PLSCR4: variants seen among roughly 807,000 people sequenced by gnomAD.
PLSCR4 encodes the protein phospholipid scramblase 4, also known as Ca(2+)-dependent phospholipid scramblase 4.
PLSCR4 carries 25 observed loss-of-function variants against 36.3 expected under a neutral mutation model. The observed-to-expected ratio is 0.69, with a 90% CI of 0.50 to 0.96. The LOEUF is 0.96. Ranked by LOEUF, PLSCR4 falls within the 40% of genes least tolerant of loss-of-function variation. The pLI is 0.00. For missense variants in PLSCR4, 408 were observed against 414.7 expected, an observed-to-expected ratio of 0.98 and a Z score of 0.14; for synonymous variants, 122 against 132.9, an observed-to-expected ratio of 0.92 and a Z score of 0.56.
intron 1 of PLSCR4, among the ~76,000 whole-genome samples, chr3:146,236,263 C>T (rs2035910904): frequency 6.6e-6 from 1 of 151,910 alleles, no homozygotes; most frequent in Admixed American, 6.6e-5. Flanking sequence ...AGGAGGTCCC[C>T]AGAGTCATCA....
intron 1 of PLSCR4, among the ~76,000 whole-genome samples, chr3:146,240,397 G>A (rs1272853441): frequency 1.3e-5 from 2 of 152,136 alleles, no homozygotes; most frequent in Non-Finnish European, 2.9e-5. Flanking sequence ...ATTCCTTAAG[G>A]TTAGGAGTTA....
At chr3:146,227,433 T>C (rs1399267252) in intron 1 of PLSCR4, among the ~76,000 whole-genome samples, 2 of 152,146 alleles carry the variant, frequency 1.3e-5, no homozygotes, top group African/African-American at 4.8e-5. Context: ...GAGTGCTGTA[T>C]CTTATTATAT....
intron 1 of PLSCR4, among the ~76,000 whole-genome samples, chr3:146,225,258 C>T (rs1394778211): frequency 6.6e-6 from 1 of 152,186 alleles, no homozygotes; most frequent in Admixed American, 6.5e-5. Flanking sequence ...CATTGGTGCA[C>T]TCACAAACCT....
At chr3:146,222,255 C>T (rs574146578) in intron 1 of PLSCR4, 163 bp from the exon 2 acceptor site, 16 of 363,518 alleles carry the variant, frequency 4.4e-5, no homozygotes, top group South Asian at 1.3e-4. Flanking sequence ...CTATTATGTA[C>T]GAGGCACTAA....
intron 4 of PLSCR4, among the ~76,000 whole-genome samples, chr3:146,202,066 A>C (rs1299983199): frequency 6.6e-6 from 1 of 151,952 alleles, no homozygotes; most frequent in Non-Finnish European, 1.5e-5. Flanking sequence ...CGAATGTTTT[A>C]TGGTGTGATT....
chr3:146,228,438 A>G (rs1179843002), intron 1 of PLSCR4, among the ~76,000 whole-genome samples: 1 of 151,418 alleles, frequency 6.6e-6, no homozygotes, highest in Non-Finnish European at 1.5e-5. Flanking sequence ...TTTCATGAGC[A>G]TTGTTTGTAT....
At chr3:146,213,825 G>C (rs1317573122) in intron 3 of PLSCR4, among the ~76,000 whole-genome samples, 1 of 152,020 alleles carries the variant, frequency 6.6e-6, no homozygotes, top group Non-Finnish European at 1.5e-5. Context: ...ACACACAATT[G>C]TTCATGTTAT....
chr3:146,202,057 GAATGTTTTATGGTGTGAT>G (rs2034075731), intron 4 of PLSCR4, among the ~76,000 whole-genome samples: 1 of 151,788 alleles, frequency 6.6e-6, no homozygotes, highest in Non-Finnish European at 1.5e-5. Flanking sequence ...ACCTAAACAC[GAATGTTTTATGGTGTGAT>G]TAATTACAGG....
At chr3:146,217,659 G>A (rs529868511) in intron 3 of PLSCR4, among the ~76,000 whole-genome samples, 2 of 152,286 alleles carry the variant, frequency 1.3e-5, no homozygotes, top group Admixed American at 1.3e-4. Flanking sequence ...AAGTGGACTG[G>A]ATATGAGAAA....
chr3:146,201,483 C>G (rs761754285), intron 4 of PLSCR4, among the ~76,000 whole-genome samples: 12 of 152,042 alleles, frequency 7.9e-5, no homozygotes, highest in Admixed American at 6.6e-4. Flanking sequence ...TTAACACGGA[C>G]CAGCCATAGA....
At chr3:146,202,430 G>T (rs965204981) in intron 4 of PLSCR4, among the ~76,000 whole-genome samples, 1 of 151,970 alleles carries the variant, frequency 6.6e-6, no homozygotes, top group Non-Finnish European at 1.5e-5. Flanking sequence ...TAATCTAAAA[G>T]AAGTATATAT....
intron 1 of PLSCR4, among the ~76,000 whole-genome samples, chr3:146,246,545 G>T (rs957527997): frequency 1.3e-5 from 2 of 151,602 alleles, no homozygotes; most frequent in Non-Finnish European, 2.9e-5. Flanking sequence ...TGTTTAAAGA[G>T]AATATCAGGT....
At chr3:146,233,977 C>CT (rs2035817368) in intron 1 of PLSCR4, among the ~76,000 whole-genome samples, 1 of 151,482 alleles carries the variant, frequency 6.6e-6, no homozygotes, top group Non-Finnish European at 1.5e-5. Context: ...AAATATAGTT[C>CT]GAAGAGAAAT....
At chr3:146,216,971 T>G (rs1186425196) in intron 3 of PLSCR4, among the ~76,000 whole-genome samples, 2 of 152,150 alleles carry the variant, frequency 1.3e-5, no homozygotes, top group Non-Finnish European at 2.9e-5. Flanking sequence ...TCATGAATCA[T>G]GAAATTCTCC....
intron 3 of PLSCR4, among the ~76,000 whole-genome samples, chr3:146,207,003 G>C (rs544788284): frequency 6.6e-6 from 1 of 152,016 alleles, no homozygotes; most frequent in East Asian, 1.9e-4. Flanking sequence ...CATTTCAATG[G>C]TACAAAAATA....
At chr3:146,218,014 A>C (rs137857580) in intron 3 of PLSCR4, among the ~76,000 whole-genome samples, 1 of 152,268 alleles carries the variant, frequency 6.6e-6, no homozygotes, top group African/African-American at 2.4e-5. Context: ...AGTAGACCAA[A>C]TAATTTTGAG....
chr3:146,214,569 C>A (rs2034803442), intron 3 of PLSCR4, among the ~76,000 whole-genome samples: 1 of 151,280 alleles, frequency 6.6e-6, no homozygotes, highest in East Asian at 1.9e-4. Context: ...TTTTTTTTGC[C>A]CCTAGTGTCA....
At chr3:146,201,413 C>T (rs1429504203) in intron 4 of PLSCR4, among the ~76,000 whole-genome samples, 1 of 152,106 alleles carries the variant, frequency 6.6e-6, no homozygotes, top group African/African-American at 2.4e-5. Flanking sequence ...TAAGTCCCTA[C>T]TCACTGGTCT....
chr3:146,221,075 A>C, intron 2 of PLSCR4, 150 bp from the exon 3 acceptor site: 1 of 535,448 alleles, frequency 1.9e-6, no homozygotes, highest in African/African-American at 1.9e-5. Context: ...AATTCATCAT[A>C]TATTAGACAC....
Sources: allele counts gnomAD v4.1 joint callset (sites outside exome capture counted in the v4.1 genomes callset), GRCh38; gene constraint gnomAD v4.1.1; transcripts MANE v1.5; gene names NCBI Gene and HGNC (gene_info 2026-07-23, HGNC 2026-07-21).